TMEM45A: variants seen among roughly 807,000 people sequenced by gnomAD.
The protein encoded by TMEM45A is transmembrane protein 45A, also known as DNA polymerase-transactivated protein 4.
A neutral mutation model predicts 32.0 loss-of-function variants in TMEM45A; 25 were observed. The ratio of observed to expected loss-of-function variants is 0.78; its 90% CI spans 0.57 to 1.09. TMEM45A has a LOEUF of 1.09. TMEM45A is among the 50% of genes least tolerant of loss of function. The pLI is 0.00. For missense variants in TMEM45A, 302 were observed against 325.0 expected, an observed-to-expected ratio of 0.93 and a Z score of 0.54; for synonymous variants, 122 against 114.8, an observed-to-expected ratio of 1.06 and a Z score of -0.40.
chr3:100,559,958 G>A (rs1259998965), intron 4 of TMEM45A, among the ~76,000 whole-genome samples: 1 of 152,174 alleles, frequency 6.6e-6, no homozygotes. Context: ...GAAATGTAGA[G>A]CAAGAGTCGA....
At chr3:100,522,909 A>G (rs923295495) in intron 1 of TMEM45A, among the ~76,000 whole-genome samples, 3 of 152,184 alleles carry the variant, frequency 2.0e-5, no homozygotes, top group Non-Finnish European at 4.4e-5. Flanking sequence ...GTTTGGGAGA[A>G]CCAAGTTCCT....
chr3:100,577,105 C>T lies in TMEM45A; in HGVS notation c.*87C>T, dbSNP rs1326678736. On this transcript the variant is annotated 3_prime_UTR_variant, in exon 6 of 6. Coordinates refer to ENST00000323523, the MANE Select transcript of TMEM45A (RefSeq NM_018004.3). ...GTTTCTCGATCTTTTGTTTGGAGAA[C>T]AGCTGGCTAAGGATGACTCTAAGTG... 8.9e-7 allele frequency: 1 copy of T among 1,121,980 alleles called. No homozygotes were observed. The highest frequency in any genetic ancestry group is 2.0e-5 in the Admixed American group (1 of 48,922). 69.5% of individuals were successfully genotyped at this position (1,121,980 alleles called of 1,614,324 possible). A position where few individuals can be genotyped will look rare whatever the true frequency, so the allele number is the denominator to read the frequency against.
chr3:100,515,281 T>G (rs1708242276), intron 1 of TMEM45A, among the ~76,000 whole-genome samples: 1 of 151,858 alleles, frequency 6.6e-6, no homozygotes, highest in Non-Finnish European at 1.5e-5. Context: ...ATATACACCA[T>G]GGAATACTAT....
chr3:100,510,556 G>T (rs1708143450), intron 1 of TMEM45A, among the ~76,000 whole-genome samples: 1 of 152,208 alleles, frequency 6.6e-6, no homozygotes, highest in South Asian at 2.1e-4. Context: ...CTAAAAATCA[G>T]AGCGCCTCTC....
In TMEM45A at chr3:100,495,287, C is replaced by T. The variant is rs560351198; in HGVS notation, c.-4+2359C>T. Among the ~76,000 whole-genome samples the T allele has an allele frequency of 4.1e-4, 62 of 152,218 alleles. 1 individual carries two copies. The South Asian group carries it at 0.011, about 28-fold the overall frequency. ...TAGGATGGCTTCACAGAAGGGCTTG[C>T]GTTTCTGGGAATGGGTTTTGTCAAA... On this transcript the variant is annotated intron_variant, in intron 1 of 5. Coordinates refer to ENST00000323523, the MANE Select transcript of TMEM45A (RefSeq NM_018004.3).
chr3:100,554,527 A>G (rs757105313), intron 1 of TMEM45A, among the ~76,000 whole-genome samples: 4 of 152,226 alleles, frequency 2.6e-5, no homozygotes, highest in Admixed American at 6.5e-5. Flanking sequence ...CTTATAGTGT[A>G]TTAGCCAGAA....
At chr3:100,530,448 C>G (rs146580410) in intron 1 of TMEM45A, among the ~76,000 whole-genome samples, 17 of 152,280 alleles carry the variant, frequency 1.1e-4, no homozygotes, top group African/African-American at 3.6e-4. Flanking sequence ...CCTCCATTCA[C>G]CAGTATAGAG....
intron 1 of TMEM45A, among the ~76,000 whole-genome samples, chr3:100,540,611 A>C (rs1410064221): frequency 6.6e-6 from 1 of 152,220 alleles, no homozygotes; most frequent in Non-Finnish European, 1.5e-5. Flanking sequence ...TGGTACAGCT[A>C]GTTTGGAAGA....
intron 1 of TMEM45A, among the ~76,000 whole-genome samples, chr3:100,514,470 T>G (rs1487435159): frequency 6.6e-6 from 1 of 151,868 alleles, no homozygotes; most frequent in Non-Finnish European, 1.5e-5. Flanking sequence ...TATACAAAAA[T>G]TAATTCAAGA....
chr3:100,539,443 G>GCATATGCATATGCATATA (rs1369452665), intron 1 of TMEM45A, among the ~76,000 whole-genome samples: 1 of 98,778 alleles, frequency 1.0e-5, no homozygotes, highest in Non-Finnish European at 2.2e-5. Context: ...ATATGTATAT[G>GCATATGCATATGCATATA]TATATGTATA....
At position 100,555,133 on chromosome 3, in the gene TMEM45A, A is replaced by G. The variant is rs898490595; in HGVS notation, c.-3-76A>G. The G allele has an allele frequency of 2.6e-5, 34 of 1,310,786 alleles. No individual in the cohort carries two copies. The African/African-American group carries it at 4.6e-4, about 18-fold the overall frequency. 81.2% of individuals were successfully genotyped at this position (1,310,786 alleles called of 1,614,324 possible). A position where few individuals can be genotyped will look rare whatever the true frequency, so the allele number is the denominator to read the frequency against. On this transcript the variant is annotated intron_variant, in intron 1 of 5. Coordinates refer to ENST00000323523, the MANE Select transcript of TMEM45A (RefSeq NM_018004.3). ...TAATAATCAGAAGACAGTGTACTTT[A>G]TGGAAACAAGTGATGTTTTGTCCAG...
chr3:100,564,567 T>C (rs1290057648), intron 4 of TMEM45A, among the ~76,000 whole-genome samples: 1 of 151,262 alleles, frequency 6.6e-6, no homozygotes, highest in South Asian at 2.1e-4. Flanking sequence ...CACTGCCACC[T>C]CCACCTCCCG....
chr3:100,506,288 G>T lies in TMEM45A; in HGVS notation c.-4+13360G>T, dbSNP rs1215314290. On this transcript the variant is annotated intron_variant, in intron 1 of 5. Coordinates refer to ENST00000323523, the MANE Select transcript of TMEM45A (RefSeq NM_018004.3). ...CTAATAAATCATAAAAAAGCAATTT[G>T]CAAAAGTATTAAACTGCATCTAAGT... Among the ~76,000 whole-genome samples the T allele has an allele frequency of 2.6e-5, 4 of 152,104 alleles. No homozygotes were observed. In the East Asian group the frequency reaches 5.8e-4, roughly 22 times the overall value.
chr3:100,544,846 A>G (rs1329561794), intron 1 of TMEM45A, among the ~76,000 whole-genome samples: 1 of 152,174 alleles, frequency 6.6e-6, no homozygotes, highest in East Asian at 1.9e-4. Flanking sequence ...TCTCTTGGGT[A>G]AATACCTAGT....
chr3:100,575,363 C>CTTTTTTTTTTTTTT (rs59739893), intron 5 of TMEM45A, among the ~76,000 whole-genome samples: 13 of 62,762 alleles, frequency 2.1e-4, no homozygotes, highest in African/African-American at 5.9e-4. Flanking sequence ...TATGGATTCT[C>CTTTTTTTTTTTTTT]TTTTTTTTTT....
intron 4 of TMEM45A, among the ~76,000 whole-genome samples, chr3:100,563,545 C>G (rs1706373486): frequency 6.6e-6 from 1 of 152,132 alleles, no homozygotes; most frequent in Admixed American, 6.5e-5. Flanking sequence ...GTCCACAGCT[C>G]TAAACACTCA....
At chr3:100,533,884 C>T (rs893263237) in intron 1 of TMEM45A, among the ~76,000 whole-genome samples, 8 of 152,140 alleles carry the variant, frequency 5.3e-5, no homozygotes, top group African/African-American at 1.4e-4. Flanking sequence ...CAATGTCAAG[C>T]GCACAGTGGT....
chr3:100,508,473 A>G (rs532261351), intron 1 of TMEM45A, among the ~76,000 whole-genome samples: 1 of 152,320 alleles, frequency 6.6e-6, no homozygotes, highest in Admixed American at 6.5e-5. Context: ...TAAAAATTGT[A>G]TGGAACCAAA....
intron 1 of TMEM45A, among the ~76,000 whole-genome samples, chr3:100,532,428 T>C (rs187470070): frequency 8.5e-4 from 129 of 152,336 alleles, no homozygotes; most frequent in African/African-American, 3.1e-3. Context: ...CCGGCTTTAA[T>C]GTACTTAACA....
Sources: gnomAD v4.1 joint callset for allele counts (sites outside exome capture counted in the v4.1 genomes callset) on GRCh38, gnomAD v4.1.1 for gene constraint, MANE v1.5 for transcripts, NCBI Gene and HGNC (gene_info 2026-07-23, HGNC 2026-07-21) for gene names.